The following ZNRF1 variants were observed in gnomAD, a reference collection of about 807,000 sequenced individuals.
ZNRF1 encodes zinc and ring finger 1.
Under a neutral mutation model 18.4 loss-of-function variants are expected in ZNRF1, and 3 were observed. That is an observed-to-expected ratio of 0.16 (90% CI 0.07 to 0.42). The LOEUF is 0.42. Among genes scored for constraint, ZNRF1 ranks in the 10% least tolerant of loss-of-function variants. ZNRF1 has a pLI of 0.99. For missense variants in ZNRF1, 310 were observed against 329.8 expected (o/e 0.94, Z 0.47); for synonymous variants, 157 against 144.2 (o/e 1.09, Z -0.64).
chr16:75,107,654 C>T (rs2036334138), intron 4 of ZNRF1, 79 bp from the exon 5 acceptor site: 1 of 454,874 alleles, frequency 2.2e-6, no homozygotes, highest in South Asian at 1.6e-5. Context: ...CGCCTGCCCT[C>T]TTGGGATGCA....
At chr16:75,066,336 C>T (rs1198798841) in intron 1 of ZNRF1, among the ~76,000 whole-genome samples, 2 of 152,112 alleles carry the variant, frequency 1.3e-5, no homozygotes, top group African/African-American at 4.8e-5. Flanking sequence ...GACCCTGTTA[C>T]ATCAGTAGAC....
chr16:75,010,711 G>GTTTTTTTTTTTTTTTTTTTT (rs67210395), intron 1 of ZNRF1, among the ~76,000 whole-genome samples: 19 of 74,346 alleles, frequency 2.6e-4, no homozygotes, highest in Non-Finnish European at 3.1e-4. Flanking sequence ...GTTTTTTTTT[G>GTTTTTTTTTTTTTTTTTTTT]TTTTTTTGTT....
chr16:75,097,565 C>T (rs1405243444), intron 2 of ZNRF1, among the ~76,000 whole-genome samples: 1 of 152,194 alleles, frequency 6.6e-6, no homozygotes, highest in Non-Finnish European at 1.5e-5. Flanking sequence ...CAGTGGCTCA[C>T]GTCTGTAATC....
chr16:75,065,531 A>G (rs1597890850), intron 1 of ZNRF1, among the ~76,000 whole-genome samples: 1 of 152,226 alleles, frequency 6.6e-6, no homozygotes, highest in African/African-American at 2.4e-5. Flanking sequence ...TTATAAAAGT[A>G]ATTTGAGTTC....
intron 1 of ZNRF1, among the ~76,000 whole-genome samples, chr16:75,057,631 C>G (rs899353200): frequency 6.6e-6 from 1 of 152,098 alleles, no homozygotes; most frequent in Non-Finnish European, 1.5e-5. Context: ...TTGGAAACTG[C>G]TATGTATTTT....
chr16:75,086,349 G>C (rs537937946), intron 1 of ZNRF1, among the ~76,000 whole-genome samples: 8 of 152,264 alleles, frequency 5.3e-5, no homozygotes, highest in Non-Finnish European at 1.0e-4. Context: ...AGAAATTTCT[G>C]GGGAAACAGG....
chr16:75,028,992 A>T (rs1328149724), intron 1 of ZNRF1, among the ~76,000 whole-genome samples: 1 of 151,960 alleles, frequency 6.6e-6, no homozygotes, highest in Non-Finnish European at 1.5e-5. Context: ...CTCTTTTTAT[A>T]TATCACAAAC....
chr16:75,001,452 G>A (rs2145311057), intron 1 of ZNRF1, among the ~76,000 whole-genome samples: 1 of 152,294 alleles, frequency 6.6e-6, no homozygotes, highest in African/African-American at 2.4e-5. Context: ...CAGACCTCCG[G>A]ATATCATTGG....
intron 2 of ZNRF1, chr16:75,104,079 C>T (rs2036284843): frequency 1.3e-5 from 2 of 152,244 alleles, no homozygotes; most frequent in South Asian, 4.1e-4. Flanking sequence ...TCTCCTTTCC[C>T]TCTCTATGGA....
chr16:75,106,912 C>A, intron 4 of ZNRF1: 1 of 250,394 alleles, frequency 4.0e-6, no homozygotes. Flanking sequence ...GGGTTTGTGC[C>A]TGGCTTGGCC....
chr16:75,031,541 T>G (rs1180042231), intron 1 of ZNRF1, among the ~76,000 whole-genome samples: 2 of 152,138 alleles, frequency 1.3e-5, no homozygotes, highest in African/African-American at 4.8e-5. Context: ...AGGGTCTCAC[T>G]TTGTCCCCCA....
intron 1 of ZNRF1, among the ~76,000 whole-genome samples, chr16:75,012,276 G>A (rs1597856519): frequency 1.3e-5 from 2 of 152,322 alleles, no homozygotes; most frequent in Non-Finnish European, 2.9e-5. Context: ...TTAAAACACC[G>A]TTGTAGTGTA....
intron 1 of ZNRF1, among the ~76,000 whole-genome samples, chr16:75,014,292 C>T (rs895242358): frequency 6.6e-6 from 1 of 152,176 alleles, no homozygotes; most frequent in African/African-American, 2.4e-5. Flanking sequence ...CGACTGCCCT[C>T]ACTCGTGTTT....
At chr16:75,041,110 T>C (rs2035442065) in intron 1 of ZNRF1, among the ~76,000 whole-genome samples, 1 of 152,218 alleles carries the variant, frequency 6.6e-6, no homozygotes, top group Admixed American at 6.5e-5. Flanking sequence ...ATGTTCGTGA[T>C]TTTATGTGGA....
At chr16:75,089,062 C>G (rs2036106353) in intron 1 of ZNRF1, among the ~76,000 whole-genome samples, 1 of 152,164 alleles carries the variant, frequency 6.6e-6, no homozygotes, top group African/African-American at 2.4e-5. Flanking sequence ...AAAGCCAGGT[C>G]ATCATGTGAT....
intron 1 of ZNRF1, among the ~76,000 whole-genome samples, chr16:75,058,106 C>T (rs368804835): frequency 4.3e-5 from 6 of 140,234 alleles, no homozygotes; most frequent in South Asian, 2.3e-4. Flanking sequence ...CTTTCCTTTT[C>T]TTTTTTTTTT....
chr16:75,056,050 G>A (rs1379587368), intron 1 of ZNRF1, among the ~76,000 whole-genome samples: 1 of 152,182 alleles, frequency 6.6e-6, no homozygotes, highest in Non-Finnish European at 1.5e-5. Context: ...ATTTGCCTTT[G>A]GAGAAAATTC....
chr16:75,093,693 C>T (rs1287882446), intron 2 of ZNRF1, 26 bp downstream of exon 2: 1 of 1,589,620 alleles, frequency 6.3e-7, no homozygotes, highest in Admixed American at 1.7e-5. Flanking sequence ...GCCTCACCAG[C>T]CTCCAGAGCA....
chr16:75,095,771 T>G, intron 2 of ZNRF1: 1 of 1,500,278 alleles, frequency 6.7e-7, no homozygotes, highest in South Asian at 1.3e-5. Context: ...CCAGCTCCTC[T>G]GCCAGAGAAC....
Sources: gnomAD v4.1 joint callset for allele counts (sites outside exome capture counted in the v4.1 genomes callset) on GRCh38, gnomAD v4.1.1 for gene constraint, MANE v1.5 for transcripts, NCBI Gene and HGNC (gene_info 2026-07-23, HGNC 2026-07-21) for gene names.